The following ENOX1 variants were observed in gnomAD, a reference collection of about 807,000 sequenced individuals.
The protein encoded by ENOX1 is candidate growth-related and time keeping constitutive hydroquinone (NADH) oxidase.
ENOX1 carries 42 observed loss-of-function variants against 82.5 expected under a neutral mutation model. The observed-to-expected ratio is 0.51, with a 90% CI of 0.40 to 0.66. The LOEUF (loss-of-function observed/expected upper bound fraction) is 0.66. ENOX1 is among the 30% of genes least tolerant of loss of function. The pLI, the probability that ENOX1 is intolerant of heterozygous loss-of-function variation, is 0.00. For synonymous variants in ENOX1, 271 were observed against 282.2 expected (o/e 0.96, Z 0.40); for missense variants, 608 against 811.6 (o/e 0.75, Z 3.05).
rs936767183 is a variant in ENOX1, at chr13:43,685,851, G to T, written c.-284-18307C>A. On this transcript the variant is annotated intron_variant, in intron 1 of 16. Transcript: ENST00000690772. ...TCAAGAATCTAACAGACTTGTCACT[G>T]CCTTTAGAAATCCCAGAAGGAAACA... Among the ~76,000 whole-genome samples the T allele has an allele frequency of 6.9e-5, 10 of 144,776 alleles. No individual in the cohort carries two copies. The South Asian group carries it at 8.9e-4, about 13-fold the overall frequency. The allele number at this position is 144,776 out of a possible 152,430, so 95.0% of individuals were successfully genotyped here. A position where few individuals can be genotyped will look rare whatever the true frequency, so the allele number is the denominator to read the frequency against.
chr13:43,626,202 T>C (rs2082954868), intron 2 of ENOX1, among the ~76,000 whole-genome samples: 1 of 151,842 alleles, frequency 6.6e-6, no homozygotes, highest in Non-Finnish European at 1.5e-5. Flanking sequence ...ATATATTTGG[T>C]GATACAGTAA....
intron 2 of ENOX1, among the ~76,000 whole-genome samples, chr13:43,625,722 T>C (rs1470323692): frequency 7.2e-6 from 1 of 138,034 alleles, no homozygotes; most frequent in Admixed American, 7.8e-5. Flanking sequence ...AATTCTTTTA[T>C]ATACTGCTGA....
At position 43,356,134 on chromosome 13, in the gene ENOX1, C is replaced by G. The variant is rs754506922; in HGVS notation, c.608G>C (p.Gly203Ala). 1 of 1,614,120 alleles carries G rather than the reference C, an allele frequency of 6.2e-7. No homozygotes were observed. The highest frequency in any genetic ancestry group is 8.5e-7 in the Non-Finnish European group (1 of 1,180,014). The change falls in exon 8 of 17, where the codon GGG (glycine) becomes GCG (alanine). Residue 203 changes from glycine to alanine, a missense_variant. Coordinates refer to ENST00000690772, the MANE Select transcript of ENOX1 (RefSeq NM_001347969.2). ...TGAATCCTTTTTGTCGGTGCTAGAC[C>G]CTAATCGCATCCTATAACCTGAAAC... ...IYLSGYRMRLGSSTDKKDSGR... is the reference protein window; with the variant it reads ...IYLSGYRMRLASSTDKKDSGR...
At chr13:43,446,323 T>C (rs2056647403) in intron 3 of ENOX1, among the ~76,000 whole-genome samples, 1 of 152,180 alleles carries the variant, frequency 6.6e-6, no homozygotes, top group Admixed American at 6.5e-5. Context: ...GTCTTAATGA[T>C]GTCTGGGCTG....
intron 2 of ENOX1, among the ~76,000 whole-genome samples, chr13:43,646,520 G>A (rs1358421405): frequency 1.3e-5 from 2 of 152,256 alleles, no homozygotes; most frequent in East Asian, 3.9e-4. Context: ...AATGAAGGAA[G>A]TGAAGACAAG....
intron 14 of ENOX1, among the ~76,000 whole-genome samples, chr13:43,253,099 G>A (rs1235546938): frequency 6.6e-6 from 1 of 152,150 alleles, no homozygotes; most frequent in Non-Finnish European, 1.5e-5. Context: ...CATTAAGTGT[G>A]GATATTTGTG....
In ENOX1 at chr13:43,395,562, A is replaced by G. The variant is rs142301696; in HGVS notation, c.208+16354T>C. Among the ~76,000 whole-genome samples the G allele has an allele frequency of 1.2e-4, 19 of 152,312 alleles. No individual in the cohort carries two copies. The East Asian group carries it at 3.7e-3, about 29-fold the overall frequency. ...AACCAGCGTGAGATATTATTATCTA[A>G]AGTCCTTTCAAACTCTCAAATCTTA... On this transcript the variant is annotated intron_variant, in intron 5 of 16. Transcript: ENST00000690772.
At chr13:43,531,956 G>A (rs1279033102) in intron 2 of ENOX1, among the ~76,000 whole-genome samples, 2 of 151,190 alleles carry the variant, frequency 1.3e-5, no homozygotes, top group Non-Finnish European at 2.9e-5. Flanking sequence ...GATAGCATTA[G>A]GAGATATACC....
intron 3 of ENOX1, among the ~76,000 whole-genome samples, chr13:43,456,338 T>C (rs983443460): frequency 3.7e-4 from 56 of 152,210 alleles, no homozygotes; most frequent in African/African-American, 1.2e-3. Context: ...GAAATATATA[T>C]GTTTATTTCA....
intron 16 of ENOX1, among the ~76,000 whole-genome samples, chr13:43,219,923 C>T (rs961410641): frequency 6.6e-6 from 1 of 152,230 alleles, no homozygotes; most frequent in African/African-American, 2.4e-5. Context: ...ACCAGACTTC[C>T]TTCCATGGGC....
At chr13:43,454,585 C>A (rs557777976) in intron 3 of ENOX1, among the ~76,000 whole-genome samples, 1 of 152,160 alleles carries the variant, frequency 6.6e-6, no homozygotes, top group Non-Finnish European at 1.5e-5. Flanking sequence ...TACTATCACA[C>A]GCTCCCAAGT....
chr13:43,674,812 T>C lies in ENOX1; in HGVS notation c.-284-7268A>G, dbSNP rs996754790. Among the ~76,000 whole-genome samples, 4 of 152,160 alleles carry C rather than the reference T, an allele frequency of 2.6e-5. No individual in the cohort carries two copies. The East Asian group carries it at 5.8e-4, about 22-fold the overall frequency. On this transcript the variant is annotated intron_variant, in intron 1 of 16. Transcript: ENST00000690772. ...GCAGTCTGTTGGGGGATGCTGATAA[T>C]ACAGCAAGCTATGCATGTGGGTTGT...
chr13:43,696,716 T>C (rs2153806813), intron 1 of ENOX1, among the ~76,000 whole-genome samples: 1 of 151,872 alleles, frequency 6.6e-6, no homozygotes, highest in East Asian at 1.9e-4. Flanking sequence ...TAGACCTTTA[T>C]CTCAGGTGCT....
chr13:43,489,409 C>T (rs1188977570), intron 2 of ENOX1, among the ~76,000 whole-genome samples: 2 of 152,208 alleles, frequency 1.3e-5, no homozygotes, highest in Non-Finnish European at 2.9e-5. Flanking sequence ...TTACAGAGTG[C>T]AAGAGCTGTG....
chr13:43,615,469 C>G (rs1175744919), intron 2 of ENOX1, among the ~76,000 whole-genome samples: 2 of 152,142 alleles, frequency 1.3e-5, no homozygotes, highest in East Asian at 1.9e-4. Context: ...CAGGAACTAA[C>G]TTTGCATTCA....
intron 1 of ENOX1, among the ~76,000 whole-genome samples, chr13:43,720,762 C>T (rs2088518893): frequency 6.6e-6 from 1 of 152,146 alleles, no homozygotes; most frequent in African/African-American, 2.4e-5. Context: ...TTTTTTGATG[C>T]TCCATGAAGA....
chr13:43,664,070 T>C (rs1235680253), intron 2 of ENOX1, among the ~76,000 whole-genome samples: 1 of 152,224 alleles, frequency 6.6e-6, no homozygotes, highest in Non-Finnish European at 1.5e-5. Context: ...GATAGAATTT[T>C]GAAGTATAAT....
chr13:43,617,718 C>A (rs1437371835), intron 2 of ENOX1, among the ~76,000 whole-genome samples: 2 of 152,146 alleles, frequency 1.3e-5, no homozygotes, highest in African/African-American at 2.4e-5. Context: ...ATAATGACTT[C>A]TTTTCCTCTG....
chr13:43,429,622 GA>G (rs1430159253), intron 3 of ENOX1, among the ~76,000 whole-genome samples: 3 of 152,166 alleles, frequency 2.0e-5, no homozygotes, highest in African/African-American at 7.2e-5. Flanking sequence ...CAATGGCAGG[GA>G]TCTTTTGGAT....
Sources: allele counts gnomAD v4.1 joint callset (sites outside exome capture counted in the v4.1 genomes callset), GRCh38; gene constraint gnomAD v4.1.1; transcripts MANE v1.5; gene names NCBI Gene and HGNC (gene_info 2026-07-23, HGNC 2026-07-21).